RASGRF1: variants seen among roughly 807,000 people sequenced by gnomAD.
RASGRF1 encodes Ras protein specific guanine nucleotide releasing factor 1.
RASGRF1 carries 40 observed loss-of-function variants against 138.7 expected under a neutral mutation model. The ratio of observed to expected loss-of-function variants is 0.29; its 90% CI spans 0.22 to 0.38. RASGRF1 has a LOEUF of 0.38. Ranked by LOEUF, RASGRF1 falls within the 10% of genes least tolerant of loss-of-function variation. RASGRF1 has a pLI of 1.00. For missense variants in RASGRF1, 1,108 were observed against 1,650.4 expected, an observed-to-expected ratio of 0.67 and a Z score of 5.69; for synonymous variants, 614 against 663.2, an observed-to-expected ratio of 0.93 and a Z score of 1.14.
rs566818789 is a variant in RASGRF1 at position 79,080,462 on chromosome 15, G to C, written c.276+9761C>G. ...TTCCAAATGATTTCACTAATTTCTT[G>C]AGTTTGGCTAAGAGCCCAAGAGGTA... On this transcript the variant is annotated intron_variant, in intron 1 of 26. Coordinates refer to ENST00000558480, the MANE Select transcript of RASGRF1 (RefSeq NM_001145648.3). 3.9e-5 allele frequency among the ~76,000 whole-genome samples: 6 copies of C among 152,328 alleles called. No homozygotes were observed. In the East Asian group the frequency reaches 1.2e-3, roughly 29 times the overall value.
chr15:79,013,337 T>C (rs1369021265), intron 13 of RASGRF1, among the ~76,000 whole-genome samples: 1 of 152,156 alleles, frequency 6.6e-6, no homozygotes, highest in Non-Finnish European at 1.5e-5. Flanking sequence ...GATGTAGTCA[T>C]GAGGGGAATA....
intron 13 of RASGRF1, among the ~76,000 whole-genome samples, chr15:79,008,096 C>T (rs2056720962): frequency 6.6e-6 from 1 of 152,236 alleles, no homozygotes; most frequent in African/African-American, 2.4e-5. Context: ...CTGCCTTGGC[C>T]TCCCAGAGTG....
intron 14 of RASGRF1, chr15:79,005,696 C>A (rs1231385975): frequency 2.1e-6 from 2 of 941,456 alleles, no homozygotes; most frequent in Non-Finnish European, 1.3e-6. Flanking sequence ...GTGGTCTAAG[C>A]AAAGCAGGGG....
rs773426438 is a variant in RASGRF1, at chr15:79,049,519, T to C, written c.601A>G (p.Ser201Gly). Residue 201 changes from serine (S) to glycine (G), a missense_variant, in exon 4 of 27, where the codon AGC becomes GGC. Physicochemically the swap from Ser to Gly is moderately conservative, Grantham distance 56 (BLOSUM62 0). This residue lies in a region of RASGRF1 where 253 missense variants were observed against 329.5 expected (regional missense o/e 0.77). Coordinates refer to ENST00000558480, the MANE Select transcript of RASGRF1 (RefSeq NM_001145648.3). ...TQTVAPNDED[S>G]DIKKIKKVQS... ...ACCTTCTTAATTTTCTTGATGTCGC[T>C]GTCTTCATCGTTGGGGGCGACAGTC... is the stretch of plus-strand genomic sequence containing the variant. The C allele has an allele frequency of 6.2e-7, 1 of 1,614,086 alleles. No individual in the cohort carries two copies. Among genetic ancestry groups the C allele is most frequent in the Non-Finnish European group, 8.5e-7 (1 of 1,180,010 alleles).
chr15:79,074,947 C>G (rs1035195563), intron 1 of RASGRF1, among the ~76,000 whole-genome samples: 1 of 152,144 alleles, frequency 6.6e-6, no homozygotes, highest in African/African-American at 2.4e-5. Context: ...GTCCTAAGAT[C>G]GAGCGAGAAA....
In RASGRF1 at chr15:78,973,237, G is replaced by A. The variant is rs548462525; in HGVS notation, c.3612+66C>T. ...GGGCCTTGGGGGGCAGAGTGTGGGT[G>A]GGCCCCAGGTTGAGTCATCTGGGCT... On this transcript the variant is annotated intron_variant, in intron 25 of 26. Transcript: ENST00000558480. The surrounding 1 kb of genome is among the most constrained non-coding windows in gnomAD (Gnocchi z 4.9). 989 of 1,314,304 alleles carry A rather than the reference G, an allele frequency of 7.5e-4. 2 individuals carry two copies. Among genetic ancestry groups the A allele is most frequent in the Non-Finnish European group, 9.6e-4 (900 of 940,052 alleles). 81.4% of individuals were successfully genotyped at this position (1,314,304 alleles called of 1,614,324 possible).
At position 78,971,475 on chromosome 15, in the gene RASGRF1, C is replaced by T. The variant is rs574042182; in HGVS notation, c.3681+391G>A. Among the ~76,000 whole-genome samples the T allele has an allele frequency of 5.4e-4, 82 of 152,258 alleles. 1 individual carries two copies. The highest frequency in any genetic ancestry group is 1.9e-3 in the African/African-American group (77 of 41,536). The stretch of plus-strand genomic sequence containing the variant: ...TGCCTGTGGACCTAGACACAAGAAA[C>T]GGGCGGAAATGTTGCCTTTGGAAGG... On this transcript the variant is annotated intron_variant, in intron 26 of 26. Transcript: ENST00000558480.
In RASGRF1 at chr15:79,049,547, G is replaced by A. The variant is rs539447488; in HGVS notation, c.573C>T (p.Thr191=). 1.7e-5 allele frequency: 28 copies of A among 1,614,060 alleles called. No homozygotes were observed. The South Asian group carries it at 3.0e-4, about 17-fold the overall frequency. Reference sequence around the variant, plus strand: ...CTTCATCGTTGGGGGCGACAGTCTGGGTGGACTGGATGCGCTCATTGTCCT... The same window carrying A: ...CTTCATCGTTGGGGGCGACAGTCTGAGTGGACTGGATGCGCTCATTGTCCT... ...LLKDNERIQS[T]QTVAPNDEDS... The change falls in exon 4 of 27, where the codon ACC becomes ACT. Residue 191 remains threonine, a synonymous_variant. Transcript: ENST00000558480.
intron 4 of RASGRF1, among the ~76,000 whole-genome samples, chr15:79,049,239 C>T (rs1198911696): frequency 6.6e-6 from 1 of 152,100 alleles, no homozygotes; most frequent in East Asian, 1.9e-4. Context: ...TTTCCCCACT[C>T]CTTCCTCTTG....
rs374369983 is a variant in RASGRF1, at chr15:79,073,622, T to A, written c.277-9096A>T. ...TGCACTGAGGGTGGGAAGCTAGAGG[T>A]GGCGTGTCAGGCTCTGGCTACAGGT... On this transcript the variant is annotated intron_variant, in intron 1 of 26. Coordinates refer to ENST00000558480, the MANE Select transcript of RASGRF1 (RefSeq NM_001145648.3). The surrounding 1 kb of genome is among the most constrained non-coding windows in gnomAD (Gnocchi z 4.2). Among the ~76,000 whole-genome samples, 11 of 151,878 alleles carry A rather than the reference T, an allele frequency of 7.2e-5. No homozygotes were observed. In the East Asian group the frequency reaches 1.7e-3, roughly 24 times the overall value.
intron 4 of RASGRF1, among the ~76,000 whole-genome samples, chr15:79,047,416 G>A (rs888238749): frequency 9.9e-5 from 15 of 152,190 alleles, no homozygotes; most frequent in Non-Finnish European, 5.9e-5. Flanking sequence ...ATGGGAGGTC[G>A]CCCGAGGATA....
intron 23 of RASGRF1, among the ~76,000 whole-genome samples, chr15:78,982,509 T>G (rs2056056338): frequency 6.6e-6 from 1 of 152,112 alleles, no homozygotes; most frequent in Non-Finnish European, 1.5e-5. Flanking sequence ...GGAGCTTCTA[T>G]CCTGTGATGC....
At chr15:79,044,339 G>T (rs1026031109) in intron 5 of RASGRF1, among the ~76,000 whole-genome samples, 2 of 152,142 alleles carry the variant, frequency 1.3e-5, no homozygotes, top group South Asian at 2.1e-4. Flanking sequence ...TGTCCTTAAA[G>T]ACTAAGCTCA....
At position 79,015,426 on chromosome 15, in the gene RASGRF1, G is replaced by T; in HGVS notation, c.1744-17C>A. The T allele has an allele frequency of 6.2e-7, 1 of 1,606,208 alleles. No homozygotes were observed. Among genetic ancestry groups the T allele is most frequent in the Non-Finnish European group, 8.5e-7 (1 of 1,172,800 alleles). ...ATCCACACACTGGAATCAGAGAGAG[G>T]ACCCCAGGGTCAGAGCTCTCCATTC... On this transcript the variant is annotated splice_polypyrimidine_tract_variant and intron_variant, in intron 12 of 26. Coordinates refer to ENST00000558480, the MANE Select transcript of RASGRF1 (RefSeq NM_001145648.3).
chr15:78,967,478 G>A (rs1184262709), intron 26 of RASGRF1, among the ~76,000 whole-genome samples: 3 of 151,732 alleles, frequency 2.0e-5, no homozygotes, highest in African/African-American at 4.8e-5. Context: ...AACCTCATGA[G>A]GTCGAGGCTA....
chr15:78,976,153 T>A (rs1193435099), intron 24 of RASGRF1, among the ~76,000 whole-genome samples: 1 of 152,056 alleles, frequency 6.6e-6, no homozygotes, highest in Non-Finnish European at 1.5e-5. Context: ...CTCTGATCAC[T>A]GAGGGTCGAC....
intron 11 of RASGRF1, 142 bp downstream of exon 11, chr15:79,019,899 G>T: frequency 2.2e-6 from 2 of 923,378 alleles, no homozygotes; most frequent in South Asian, 1.6e-5. Context: ...GTGTGTGCAT[G>T]AGGGCATGTG....
At chr15:79,004,308 C>T (rs927156764) in intron 14 of RASGRF1, 133 bp from the exon 15 acceptor site, 44 of 1,161,326 alleles carry the variant, frequency 3.8e-5, no homozygotes, top group Non-Finnish European at 4.6e-5. Context: ...GAAACCCATA[C>T]TTGAGCTGAT....
chr15:78,982,214 T>G (rs2056050772), intron 23 of RASGRF1, among the ~76,000 whole-genome samples: 1 of 152,184 alleles, frequency 6.6e-6, no homozygotes, highest in African/African-American at 2.4e-5. Context: ...AGAAGCTTGA[T>G]CAGGAGGTCC....
Sources: gnomAD v4.1 joint callset for allele counts (sites outside exome capture counted in the v4.1 genomes callset) on GRCh38, gnomAD v4.1.1 for gene constraint, gnomAD v4.1.1 regional missense constraint, Gnocchi (gnomAD v3.1) non-coding constraint, MANE v1.5 for transcripts, NCBI Gene and HGNC (gene_info 2026-07-23, HGNC 2026-07-21) for gene names.